Variants in SCN8A observed in about 807,000 individuals in gnomAD.
SCN8A encodes the protein sodium channel protein type 8 subunit alpha.
SCN8A carries 30 observed loss-of-function variants against 184.1 expected under a neutral mutation model. That is an observed-to-expected ratio of 0.16 (90% confidence interval 0.12 to 0.22). The LOEUF (loss-of-function observed/expected upper bound fraction) is 0.22. Among genes scored for constraint, SCN8A ranks in the 10% least tolerant of loss-of-function variants. SCN8A has a pLI of 1.00. For synonymous variants in SCN8A, 852 were observed against 907.0 expected, an observed-to-expected ratio of 0.94 and a Z score of 1.09; for missense variants, 1,057 against 2,498.9, an observed-to-expected ratio of 0.42 and a Z score of 12.30.
intron 12 of SCN8A, among the ~76,000 whole-genome samples, chr12:51,742,129 C>T (rs1399467043): frequency 6.6e-6 from 1 of 152,100 alleles, no homozygotes; most frequent in African/African-American, 2.4e-5. Flanking sequence ...TGTTGTTTCT[C>T]TTTATGTCTT....
At chr12:51,726,926 G>T (rs1023593090) in intron 12 of SCN8A, among the ~76,000 whole-genome samples, 1 of 152,198 alleles carries the variant, frequency 6.6e-6, no homozygotes, top group Non-Finnish European at 1.5e-5. Context: ...TTGGGAAGGG[G>T]ATTATGGCTA....
intron 1 of SCN8A, among the ~76,000 whole-genome samples, chr12:51,634,074 T>A (rs1940259658): frequency 6.6e-6 from 1 of 152,164 alleles, no homozygotes; most frequent in Non-Finnish European, 1.5e-5. Context: ...GGAGAGTGGA[T>A]AAATTATCTT....
At chr12:51,681,927 A>G (rs1200444811) in intron 2 of SCN8A, among the ~76,000 whole-genome samples, 5 of 152,150 alleles carry the variant, frequency 3.3e-5, no homozygotes, top group African/African-American at 1.2e-4. Context: ...CAAAGAACCA[A>G]AAGCCTAATT....
intron 8 of SCN8A, among the ~76,000 whole-genome samples, chr12:51,702,315 CTG>C (rs1285774255): frequency 2.4e-5 from 3 of 123,062 alleles, no homozygotes; most frequent in African/African-American, 3.4e-5. Context: ...GAGCTAGACT[CTG>C]TATCAAAAAA....
At chr12:51,758,793 G>A (rs1942718278) in intron 14 of SCN8A, among the ~76,000 whole-genome samples, 1 of 151,688 alleles carries the variant, frequency 6.6e-6, no homozygotes, top group Non-Finnish European at 1.5e-5. Flanking sequence ...TCTACATTCA[G>A]TCTGTTGTGA....
chr12:51,650,796 C>T (rs1218809728), intron 1 of SCN8A, among the ~76,000 whole-genome samples: 1 of 152,124 alleles, frequency 6.6e-6, no homozygotes, highest in Non-Finnish European at 1.5e-5. Context: ...CCCAGCGGTG[C>T]TAGAGGAATT....
chr12:51,635,423 G>A (rs374708031), intron 1 of SCN8A, among the ~76,000 whole-genome samples: 28 of 152,120 alleles, frequency 1.8e-4, no homozygotes, highest in African/African-American at 6.7e-4. Context: ...TCAGTGCCAG[G>A]ACCTAGCACA....
At chr12:51,669,942 A>G (rs1443556264) in intron 2 of SCN8A, among the ~76,000 whole-genome samples, 1 of 152,190 alleles carries the variant, frequency 6.6e-6, no homozygotes, top group Non-Finnish European at 1.5e-5. Flanking sequence ...AATAAGTTGT[A>G]TTTCCTGCTT....
chr12:51,745,957 A>G lies in SCN8A; in HGVS notation c.2053A>G (p.Met685Val), dbSNP rs1163964271. 6.2e-7 allele frequency: 1 copy of G among 1,611,564 alleles called. No individual in the cohort carries two copies. Among genetic ancestry groups the G allele is most frequent in the Non-Finnish European group, 8.5e-7 (1 of 1,178,894 alleles). The change falls in exon 13 of 27, where the codon ATG (methionine) becomes GTG (valine). Residue 685 changes from methionine to valine, a missense_variant. Physicochemically the swap from Met to Val is conservative, Grantham distance 21. Around this residue, in one of 19 missense-constraint regions of SCN8A, gnomAD observed 322 missense variants for 390.1 expected, o/e 0.83. Coordinates refer to ENST00000627620, the MANE Select transcript of SCN8A (RefSeq NM_001330260.2). ...AGGCCCTGGATCTCTTTTAGTTTCCATGGACCAATTAGCCTCCTACGGGCG... is the reference window on the plus strand; with the variant it reads ...AGGCCCTGGATCTCTTTTAGTTTCCGTGGACCAATTAGCCTCCTACGGGCG... ...KKGPGSLLVSMDQLASYGRKD... is the reference protein window; with the variant it reads ...KKGPGSLLVSVDQLASYGRKD...
At chr12:51,693,445 T>C (rs921837877) in intron 6 of SCN8A, among the ~76,000 whole-genome samples, 9 of 152,172 alleles carry the variant, frequency 5.9e-5, no homozygotes, top group Admixed American at 5.2e-4. Context: ...CCAATCTCTT[T>C]CAAATTACTG....
intron 19 of SCN8A, among the ~76,000 whole-genome samples, 181 bp downstream of exon 19, chr12:51,770,864 C>T (rs2138872136): frequency 6.6e-6 from 1 of 152,346 alleles, no homozygotes; most frequent in South Asian, 2.1e-4. Context: ...AGAATCCATA[C>T]TTGTTCACAT....
At chr12:51,707,763 C>T (rs188443811) in intron 11 of SCN8A, among the ~76,000 whole-genome samples, 159 of 152,304 alleles carry the variant, frequency 1.0e-3, no homozygotes, top group African/African-American at 3.7e-3. Context: ...ATACTCTTCT[C>T]CAAACTCATT....
intron 2 of SCN8A, among the ~76,000 whole-genome samples, chr12:51,670,725 T>C (rs1360472833): frequency 6.6e-6 from 1 of 152,126 alleles, no homozygotes; most frequent in Non-Finnish European, 1.5e-5. Context: ...ATAATGAAGG[T>C]CTGAGTTACA....
chr12:51,632,895 C>T (rs1485227082), intron 1 of SCN8A, among the ~76,000 whole-genome samples: 1 of 150,488 alleles, frequency 6.6e-6, no homozygotes, highest in Non-Finnish European at 1.5e-5. Flanking sequence ...TATTCTGTTT[C>T]CTCCGTGCTT....
chr12:51,708,779 T>C (rs1016425308), intron 11 of SCN8A, among the ~76,000 whole-genome samples: 2 of 152,340 alleles, frequency 1.3e-5, no homozygotes, highest in African/African-American at 2.4e-5. Flanking sequence ...TTCTCCTTTG[T>C]ATTTTATATA....
chr12:51,742,082 G>T (rs1942435976), intron 12 of SCN8A, among the ~76,000 whole-genome samples: 2 of 152,138 alleles, frequency 1.3e-5, no homozygotes, highest in South Asian at 4.1e-4. Context: ...AATAAAAACT[G>T]TACACTTTAA....
intron 25 of SCN8A, 54 bp downstream of exon 25, chr12:51,790,556 C>G (rs1938219598): frequency 5.8e-6 from 7 of 1,198,086 alleles, no homozygotes; most frequent in Non-Finnish European, 8.5e-6. Context: ...AGGAAAAGTA[C>G]TAGTAGAGTT....
intron 25 of SCN8A, among the ~76,000 whole-genome samples, chr12:51,790,847 C>T (rs971302668): frequency 6.6e-6 from 1 of 152,128 alleles, no homozygotes; most frequent in African/African-American, 2.4e-5. Context: ...CCTGCCAGTT[C>T]AAGATAGGAT....
intron 1 of SCN8A, among the ~76,000 whole-genome samples, chr12:51,627,228 G>A (rs541684703): frequency 4.4e-4 from 67 of 152,224 alleles, no homozygotes; most frequent in African/African-American, 1.6e-3. Context: ...CAGTTTCCTT[G>A]TTTAGAGAAC....
Sources: allele counts gnomAD v4.1 joint callset (sites outside exome capture counted in the v4.1 genomes callset), GRCh38; gene constraint gnomAD v4.1.1; regional missense constraint gnomAD v4.1.1; transcripts MANE v1.5; gene names NCBI Gene and HGNC (gene_info 2026-07-23, HGNC 2026-07-21).